Variants in PPP2R2B observed in about 807,000 individuals in gnomAD.
PPP2R2B encodes protein phosphatase 2 regulatory subunit Bbeta.
PPP2R2B carries 5 observed loss-of-function variants against 46.0 expected under a neutral mutation model. The observed-to-expected ratio is 0.11, with a 90% confidence interval of 0.06 to 0.23. The LOEUF (loss-of-function observed/expected upper bound fraction) is 0.23. PPP2R2B is among the 10% of genes least tolerant of loss of function. The pLI is 1.00. For missense variants in PPP2R2B, 367 were observed against 575.0 expected (o/e 0.64, Z 3.70); for synonymous variants, 215 against 206.7 (o/e 1.04, Z -0.34).
chr5:147,050,517 A>G (rs968827276), intron 1 of PPP2R2B, among the ~76,000 whole-genome samples: 1 of 152,212 alleles, frequency 6.6e-6, no homozygotes, highest in Admixed American at 6.5e-5. Context: ...ACCCATTCTT[A>G]GCATGTACCC....
intron 1 of PPP2R2B, among the ~76,000 whole-genome samples, chr5:146,973,033 A>T (rs917700343): frequency 6.6e-6 from 1 of 151,814 alleles, no homozygotes; most frequent in Admixed American, 6.6e-5. Flanking sequence ...TTTATTTATC[A>T]CACTTAGAGA....
chr5:146,765,248 T>C (rs56140835), intron 2 of PPP2R2B, among the ~76,000 whole-genome samples: 4,714 of 152,330 alleles, frequency 0.031, 236 homozygotes, highest in African/African-American at 0.11. Context: ...ATCTGAATGC[T>C]TTCACATCCC....
chr5:146,726,648 A>G (rs1751886237), intron 2 of PPP2R2B, among the ~76,000 whole-genome samples: 1 of 152,220 alleles, frequency 6.6e-6, no homozygotes, highest in Admixed American at 6.5e-5. Flanking sequence ...TTAGTAGTGG[A>G]GCTAAGATTC....
In PPP2R2B at chr5:146,588,323, T is replaced by C. The variant is rs1770273579; in HGVS notation, c.*1624A>G. The C allele has an allele frequency of 6.6e-6, 1 of 152,228 alleles. No individual in the cohort carries two copies. The highest frequency in any genetic ancestry group is 1.5e-5 in the Non-Finnish European group (1 of 68,034). 9.4% of individuals were successfully genotyped at this position (152,228 alleles called of 1,614,324 possible). A position where few individuals can be genotyped will look rare whatever the true frequency, so the allele number is the denominator to read the frequency against. On this transcript the variant is annotated 3_prime_UTR_variant, in exon 10 of 10. Coordinates refer to ENST00000394411, the MANE Select transcript of PPP2R2B (RefSeq NM_181675.4). ...AGTTATTTCCTTGCCAAAAAGCTATTAGTAAATGGATAGTAGCTTAGAATT... is the reference window on the plus strand; with the variant it reads ...AGTTATTTCCTTGCCAAAAAGCTATCAGTAAATGGATAGTAGCTTAGAATT...
intron 1 of PPP2R2B, among the ~76,000 whole-genome samples, chr5:146,965,967 A>C (rs1397198834): frequency 6.6e-6 from 1 of 152,172 alleles, no homozygotes; most frequent in Non-Finnish European, 1.5e-5. Flanking sequence ...GCAATGCAAT[A>C]ATGTTTGTAA....
intron 5 of PPP2R2B, among the ~76,000 whole-genome samples, chr5:146,663,608 A>G (rs563043631): frequency 5.3e-4 from 81 of 152,334 alleles, no homozygotes; most frequent in African/African-American, 1.9e-3. Flanking sequence ...TGCTTATACT[A>G]TACTGTAGTC....
rs761710148 is a variant in PPP2R2B at position 146,650,660 on chromosome 5, G to A, written c.512C>T (p.Ala171Val). Residue 171 changes from alanine to valine, a missense_variant, in exon 6 of 10, where the codon GCA becomes GTA. Ala to Val is a moderately conservative substitution (Grantham distance 64, BLOSUM62 0). Coordinates refer to ENST00000394411, the MANE Select transcript of PPP2R2B (RefSeq NM_181675.4). ...EATPRRVFAN[A>V]HTYHINSISV... ...TATGGAGTTGATGTGATATGTGTGT[G>A]CGTTGGCAAATACTCTTCGTGGGGT... 2 of 1,614,070 alleles carry A rather than the reference G, an allele frequency of 1.2e-6. No homozygotes were observed. The highest frequency in any genetic ancestry group is 1.1e-5 in the South Asian group (1 of 91,080).
At chr5:147,010,206 G>T (rs1351868201) in intron 1 of PPP2R2B, among the ~76,000 whole-genome samples, 1 of 152,128 alleles carries the variant, frequency 6.6e-6, no homozygotes, top group Non-Finnish European at 1.5e-5. Context: ...TTGTTACTGA[G>T]TACATGAACT....
chr5:146,875,610 CA>C (rs1249881020), intron 2 of PPP2R2B, among the ~76,000 whole-genome samples: 2 of 151,886 alleles, frequency 1.3e-5, no homozygotes, highest in Non-Finnish European at 2.9e-5. Flanking sequence ...TTCAGAAATA[CA>C]TGTGAAGGAG....
chr5:146,819,115 C>G (rs1443467664), intron 2 of PPP2R2B, among the ~76,000 whole-genome samples: 1 of 152,210 alleles, frequency 6.6e-6, no homozygotes, highest in Non-Finnish European at 1.5e-5. Flanking sequence ...CTAATTCTTT[C>G]TCTTGCTCAG....
At chr5:146,821,584 G>T (rs192082995) in intron 2 of PPP2R2B, among the ~76,000 whole-genome samples, 23 of 152,212 alleles carry the variant, frequency 1.5e-4, no homozygotes, top group Admixed American at 1.2e-3. Flanking sequence ...ACAGAGTTGG[G>T]GTGAAACCTC....
chr5:147,074,633 G>A lies in PPP2R2B; in HGVS notation c.50+6426C>T, dbSNP rs1322620623. 2.6e-5 allele frequency among the ~76,000 whole-genome samples: 4 copies of A among 152,102 alleles called. No homozygotes were observed. The East Asian group carries it at 5.8e-4, about 22-fold the overall frequency. On this transcript the variant is annotated intron_variant, in intron 2 of 10. Transcript: ENST00000394413. ...GTGACAGCAAAGAGTCACAATCACT[G>A]AAGGGAAGCTGAAAAATCATTCTTA... is the stretch of plus-strand genomic sequence containing the variant.
chr5:146,930,459 G>A (rs1252609860), intron 1 of PPP2R2B, among the ~76,000 whole-genome samples: 1 of 152,148 alleles, frequency 6.6e-6, no homozygotes, highest in Non-Finnish European at 1.5e-5. Flanking sequence ...TCTTTCTTGG[G>A]GGAAAGAAGA....
intron 2 of PPP2R2B, among the ~76,000 whole-genome samples, chr5:146,721,825 C>T (rs1160496833): frequency 6.6e-6 from 1 of 152,212 alleles, no homozygotes; most frequent in African/African-American, 2.4e-5. Flanking sequence ...TTGCAACAAC[C>T]TTGCAGGATA....
At chr5:146,648,750 T>C (rs1226516102) in intron 6 of PPP2R2B, among the ~76,000 whole-genome samples, 1 of 152,118 alleles carries the variant, frequency 6.6e-6, no homozygotes, top group African/African-American at 2.4e-5. Context: ...TAACTAGCCA[T>C]GTGAATGCTG....
At chr5:146,987,407 T>G (rs1753481711) in intron 1 of PPP2R2B, among the ~76,000 whole-genome samples, 1 of 151,994 alleles carries the variant, frequency 6.6e-6, no homozygotes, top group Admixed American at 6.5e-5. Context: ...CTACTAAAAA[T>G]AATAATTACA....
intron 2 of PPP2R2B, among the ~76,000 whole-genome samples, chr5:146,854,373 G>A (rs911371598): frequency 6.6e-6 from 1 of 152,030 alleles, no homozygotes; most frequent in Non-Finnish European, 1.5e-5. Flanking sequence ...ATCAAGTTAT[G>A]GTATTCGGGT....
At chr5:146,822,624 T>C (rs1415195538) in intron 2 of PPP2R2B, among the ~76,000 whole-genome samples, 1 of 151,916 alleles carries the variant, frequency 6.6e-6, no homozygotes, top group Admixed American at 6.6e-5. Context: ...TCTATATCCT[T>C]AACTTGTCCT....
At chr5:147,036,050 G>A (rs928886718) in intron 1 of PPP2R2B, among the ~76,000 whole-genome samples, 2 of 152,102 alleles carry the variant, frequency 1.3e-5, no homozygotes, top group Non-Finnish European at 2.9e-5. Context: ...AGGATGTGCA[G>A]GTTTGTTACA....
Sources: allele counts gnomAD v4.1 joint callset (sites outside exome capture counted in the v4.1 genomes callset), GRCh38; gene constraint gnomAD v4.1.1; transcripts MANE v1.5; gene names NCBI Gene and HGNC (gene_info 2026-07-23, HGNC 2026-07-21).